The following MOK variants were observed in gnomAD, a reference collection of about 807,000 sequenced individuals.
MOK encodes MAPK/MAK/MRK overlapping kinase.
MOK carries 59 observed loss-of-function variants against 54.2 expected under a neutral mutation model. The ratio of observed to expected loss-of-function variants is 1.09; its 90% CI spans 0.88 to 1.35. The LOEUF is 1.35. Ranked by LOEUF, MOK falls within the 40% of genes most tolerant of loss-of-function variation. MOK has a pLI of 0.00. For synonymous variants in MOK, 210 were observed against 202.7 expected (o/e 1.04, Z -0.31); for missense variants, 517 against 526.2 (o/e 0.98, Z 0.17).
chr14:102,226,932 G>A (rs2064274753), downstream of MOK, among the ~76,000 whole-genome samples: 1 of 152,136 alleles, frequency 6.6e-6, no homozygotes, highest in Admixed American at 6.5e-5. The surrounding 1 kb of genome is among the most constrained non-coding windows in gnomAD (Gnocchi z 4.8). Context: ...GCTCGACACT[G>A]CTTCAGAGCG....
chr14:102,268,908 C>G (rs1418435232), intron 2 of MOK, among the ~76,000 whole-genome samples: 2 of 138,348 alleles, frequency 1.4e-5, no homozygotes, highest in African/African-American at 6.0e-5. Context: ...GTGTGAGACT[C>G]CGTCTCAAAA....
intron 4 of MOK, among the ~76,000 whole-genome samples, chr14:102,254,998 A>G (rs1398594952): frequency 6.6e-6 from 1 of 152,222 alleles, no homozygotes; most frequent in Non-Finnish European, 1.5e-5. Flanking sequence ...CTTTTAGGAA[A>G]AGTCTAATCT....
intron 2 of MOK, among the ~76,000 whole-genome samples, chr14:102,282,688 C>T (rs796367152): frequency 3.9e-5 from 6 of 151,996 alleles, no homozygotes; most frequent in African/African-American, 1.4e-4. Flanking sequence ...GAGCCAAGAT[C>T]GAGCCATTGC....
chr14:102,287,616 T>C (rs904003294), intron 1 of MOK, among the ~76,000 whole-genome samples: 11 of 152,124 alleles, frequency 7.2e-5, no homozygotes, highest in African/African-American at 2.7e-4. Flanking sequence ...CAATAAGCTA[T>C]GAAATGATGC....
chr14:102,232,783 G>C lies in MOK; in HGVS notation c.693-75C>G. 1 of 1,385,378 alleles carries C rather than the reference G, an allele frequency of 7.2e-7. No individual in the cohort carries two copies. The highest frequency in any genetic ancestry group is 1.0e-6 in the Non-Finnish European group (1 of 995,814). The allele number at this position is 1,385,378 out of a possible 1,614,324, so 85.8% of individuals were successfully genotyped here. ...ACCGGTGGTCCACTGTCACAACTAA[G>C]GGCCCTGTGTGGTGGGGAATGGTTT... On this transcript the variant is annotated intron_variant, in intron 8 of 11. Coordinates refer to ENST00000361847, the MANE Select transcript of MOK (RefSeq NM_014226.3). The surrounding 1 kb of genome is among the most constrained non-coding windows in gnomAD (Gnocchi z 5.1).
In MOK at chr14:102,292,758, GA is replaced by G. The variant is rs879619335; in HGVS notation, c.8-9167del. Among the ~76,000 whole-genome samples, 370 of 139,790 alleles carry G rather than the reference GA, an allele frequency of 2.6e-3. 1 individual carries two copies. The highest frequency in any genetic ancestry group is 7.3e-3 in the African/African-American group (280 of 38,322). 91.7% of individuals were successfully genotyped at this position (139,790 alleles called of 152,430 possible). A position where few individuals can be genotyped will look rare whatever the true frequency, so the allele number is the denominator to read the frequency against. ...CACTTAGAGAAACAAAAACCAACAG[GA>G]AAAAAAAAAAGCTTGGGGAATTAAA... On this transcript the variant is annotated intron_variant, in intron 1 of 11. Coordinates refer to ENST00000361847, the MANE Select transcript of MOK (RefSeq NM_014226.3).
intron 2 of MOK, among the ~76,000 whole-genome samples, chr14:102,279,898 T>A (rs766385692): frequency 1.3e-5 from 2 of 151,884 alleles, no homozygotes; most frequent in Non-Finnish European, 2.9e-5. Flanking sequence ...AATTAAAGCA[T>A]AGGAAAGGAG....
downstream of MOK, chr14:102,222,724 C>A: frequency 2.5e-6 from 3 of 1,216,882 alleles, no homozygotes; most frequent in Non-Finnish European, 3.6e-6. The surrounding 1 kb of genome is among the most constrained non-coding windows in gnomAD (Gnocchi z 4.4). Context: ...GCTTCCACAT[C>A]AACAGCACCA....
intron 4 of MOK, among the ~76,000 whole-genome samples, chr14:102,255,290 C>G (rs539218771): frequency 6.6e-6 from 1 of 152,094 alleles, no homozygotes; most frequent in Non-Finnish European, 1.5e-5. Context: ...TGTACTCCAG[C>G]CTGGGTGACA....
At chr14:102,300,323 C>CAAAAAA (rs71468398) in intron 1 of MOK, among the ~76,000 whole-genome samples, 2 of 38,418 alleles carry the variant, frequency 5.2e-5, no homozygotes, top group Admixed American at 2.5e-4. Context: ...AACTCTATCT[C>CAAAAAA]AAAAAAAAAA....
Position 102,231,912 on chromosome 14 carries a change from G to A in MOK, c.867-91C>T. 1.9e-6 allele frequency: 2 copies of A among 1,040,838 alleles called. No individual in the cohort carries two copies. The highest frequency in any genetic ancestry group is 1.4e-6 in the Non-Finnish European group (1 of 699,642). The allele number at this position is 1,040,838 out of a possible 1,614,324, so 64.5% of individuals were successfully genotyped here. A position where few individuals can be genotyped will look rare whatever the true frequency, so the allele number is the denominator to read the frequency against. On this transcript the variant is annotated intron_variant, in intron 9 of 11. Transcript: ENST00000361847. The surrounding 1 kb of genome is among the most constrained non-coding windows in gnomAD (Gnocchi z 4.4). ...CTTCTTTGTCTCCAATTTGTCTACTGTGTGAGTTGTCACTAGCTCTTCTTT... is the reference window on the plus strand; with the variant it reads ...CTTCTTTGTCTCCAATTTGTCTACTATGTGAGTTGTCACTAGCTCTTCTTT...
intron 1 of MOK, among the ~76,000 whole-genome samples, chr14:102,297,706 G>A (rs536368233): frequency 7.2e-5 from 11 of 152,278 alleles, no homozygotes; most frequent in South Asian, 4.1e-4. Context: ...GGCGGGAACC[G>A]GGGCTGCACG....
intron 1 of MOK, among the ~76,000 whole-genome samples, chr14:102,290,396 C>T (rs891425209): frequency 3.1e-4 from 47 of 151,698 alleles, no homozygotes; most frequent in African/African-American, 9.4e-4. Flanking sequence ...GCCGAGATCA[C>T]GCCACTGCAC....
At chr14:102,296,887 G>A (rs1354370299) in intron 1 of MOK, among the ~76,000 whole-genome samples, 2 of 151,410 alleles carry the variant, frequency 1.3e-5, no homozygotes, top group African/African-American at 4.9e-5. Context: ...GTGAAACCCT[G>A]TCTCTACTAA....
chr14:102,287,190 T>C (rs1352107856), intron 1 of MOK, among the ~76,000 whole-genome samples: 1 of 152,138 alleles, frequency 6.6e-6, no homozygotes, highest in Non-Finnish European at 1.5e-5. Flanking sequence ...GAGGGTTCAG[T>C]GGGCGTGGTG....
At chr14:102,304,500 C>T (rs1435006571) in intron 1 of MOK, among the ~76,000 whole-genome samples, 1 of 152,180 alleles carries the variant, frequency 6.6e-6, no homozygotes, top group African/African-American at 2.4e-5. Flanking sequence ...AGCACACAGC[C>T]CAGCTTTCCT....
Position 102,229,174 on chromosome 14 carries a change from G to T in MOK, c.*115C>A. 1 of 1,165,568 alleles carries T rather than the reference G, an allele frequency of 8.6e-7. No homozygotes were observed. 72.2% of individuals were successfully genotyped at this position (1,165,568 alleles called of 1,614,324 possible). A position where few individuals can be genotyped will look rare whatever the true frequency, so the allele number is the denominator to read the frequency against. ...CAGCACCCAGAGCCCCGGCCAGCGC[G>T]AAACGGACGCAGGCGCATCCCCAGC... On this transcript the variant is annotated 3_prime_UTR_variant, in exon 12 of 12. Coordinates refer to ENST00000361847, the MANE Select transcript of MOK (RefSeq NM_014226.3).
Position 102,305,024 on chromosome 14 carries a change from A to C in MOK, c.-56T>G. On this transcript the variant is annotated 5_prime_UTR_variant, in exon 1 of 12. Coordinates refer to ENST00000361847, the MANE Select transcript of MOK (RefSeq NM_014226.3). ...GCCGACACTGGACGGAAAAGAAAGA[A>C]GCAGGAAGGTTGTCCCCCTGCTTTC... The C allele has an allele frequency of 6.3e-7, 1 of 1,595,464 alleles. No homozygotes were observed. The highest frequency in any genetic ancestry group is 8.5e-7 in the Non-Finnish European group (1 of 1,170,294).
intron 3 of MOK, among the ~76,000 whole-genome samples, chr14:102,265,012 G>C (rs951445426): frequency 6.6e-6 from 1 of 152,218 alleles, no homozygotes; most frequent in South Asian, 2.1e-4. Context: ...GGCAGGCACC[G>C]AGGGACAAGC....
Sources: gnomAD v4.1 joint callset for allele counts (sites outside exome capture counted in the v4.1 genomes callset) on GRCh38, gnomAD v4.1.1 for gene constraint, Gnocchi (gnomAD v3.1) non-coding constraint, MANE v1.5 for transcripts, NCBI Gene and HGNC (gene_info 2026-07-23, HGNC 2026-07-21) for gene names.